PIAS1: variants seen among roughly 807,000 people sequenced by gnomAD.
PIAS1 encodes the protein E3 SUMO-protein ligase PIAS1.
Under a neutral mutation model 71.3 loss-of-function variants are expected in PIAS1, and 6 were observed. That is an observed-to-expected ratio of 0.08 (90% CI 0.05 to 0.17). The LOEUF is 0.17. PIAS1 is among the 10% of genes least tolerant of loss of function. PIAS1 has a pLI of 1.00. For synonymous variants in PIAS1, 303 were observed against 292.9 expected, an observed-to-expected ratio of 1.03 and a Z score of -0.35; for missense variants, 555 against 793.6, an observed-to-expected ratio of 0.70 and a Z score of 3.61.
intron 4 of PIAS1, among the ~76,000 whole-genome samples, chr15:68,144,399 CCT>C (rs1243732036): frequency 3.3e-5 from 5 of 152,126 alleles, no homozygotes; most frequent in African/African-American, 9.7e-5. Flanking sequence ...TCCACTCCCT[CCT>C]CTCTGCCCCA....
Position 68,054,409 on chromosome 15 carries a change from C to G in PIAS1, c.24+59C>G. 1 of 1,533,326 alleles carries G rather than the reference C, an allele frequency of 6.5e-7. No individual in the cohort carries two copies. Among genetic ancestry groups the G allele is most frequent in the Non-Finnish European group, 8.8e-7 (1 of 1,131,906 alleles). The allele number at this position is 1,533,326 out of a possible 1,614,324, so 95.0% of individuals were successfully genotyped here. A position where few individuals can be genotyped will look rare whatever the true frequency, so the allele number is the denominator to read the frequency against. Reference sequence around the variant, plus strand: ...GGCCGCGGAGACGGCGCCGCTGCTGCCAGGGGGGATGGGTCCGACCCTGGG... The same window carrying G: ...GGCCGCGGAGACGGCGCCGCTGCTGGCAGGGGGGATGGGTCCGACCCTGGG... On this transcript the variant is annotated intron_variant, in intron 1 of 13. Transcript: ENST00000249636. The surrounding 1 kb of genome is among the most constrained non-coding windows in gnomAD (Gnocchi z 4.6).
At position 68,094,031 on chromosome 15, in the gene PIAS1, A is replaced by AT. The variant is rs1453070946; in HGVS notation, c.469+7288dup. ...TTTGTGATTAAACAAACTGTGTTTTATTTTTTTCATTTTTAAGCCTGGGAA... is the reference window on the plus strand; with the variant it reads ...TTTGTGATTAAACAAACTGTGTTTTATTTTTTTTCATTTTTAAGCCTGGGAA... On this transcript the variant is annotated intron_variant, in intron 2 of 13. Coordinates refer to ENST00000249636, the MANE Select transcript of PIAS1 (RefSeq NM_016166.3). 2.6e-5 allele frequency among the ~76,000 whole-genome samples: 4 copies of AT among 152,110 alleles called. No individual in the cohort carries two copies. In the South Asian group the frequency reaches 8.3e-4, roughly 32 times the overall value.
chr15:68,109,322 C>T (rs1169101072), intron 2 of PIAS1, among the ~76,000 whole-genome samples: 1 of 152,204 alleles, frequency 6.6e-6, no homozygotes, highest in Non-Finnish European at 1.5e-5. Context: ...ATAACATTGT[C>T]AGCATCTGAC....
Position 68,146,438 on chromosome 15 carries a change from T to G in PIAS1, c.694-128T>G, listed in dbSNP as rs565823385. On this transcript the variant is annotated intron_variant, in intron 5 of 13. Coordinates refer to ENST00000249636, the MANE Select transcript of PIAS1 (RefSeq NM_016166.3). ...ACACAAGAAACTTGTAAATGTTTGC[T>G]TCTCTACTTTTTAATGAAAACATTC... The G allele has an allele frequency of 9.0e-6, 6 of 665,160 alleles. No individual in the cohort carries two copies. In the East Asian group the frequency reaches 1.6e-4, roughly 18 times the overall value. The allele number at this position is 665,160 out of a possible 1,614,324, so 41.2% of individuals were successfully genotyped here.
At chr15:68,182,883 GTGT>G (rs1229636958) in intron 12 of PIAS1, among the ~76,000 whole-genome samples, 1 of 152,196 alleles carries the variant, frequency 6.6e-6, no homozygotes, top group African/African-American at 2.4e-5. Context: ...AGTATCTGTG[GTGT>G]TGTAATATAT....
intron 8 of PIAS1, among the ~76,000 whole-genome samples, chr15:68,166,281 A>G (rs1489345873): frequency 6.6e-6 from 1 of 151,870 alleles, no homozygotes; most frequent in Non-Finnish European, 1.5e-5. Context: ...AACCAGGTAA[A>G]TGTTATAACA....
intron 1 of PIAS1, among the ~76,000 whole-genome samples, chr15:68,059,132 G>T (rs1271368896): frequency 6.6e-6 from 1 of 150,392 alleles, no homozygotes; most frequent in Non-Finnish European, 1.5e-5. Context: ...AGCCTTCGGT[G>T]TAGCTGGGAC....
chr15:68,145,121 A>C (rs1567062401), intron 4 of PIAS1, among the ~76,000 whole-genome samples: 1 of 152,176 alleles, frequency 6.6e-6, no homozygotes, highest in Non-Finnish European at 1.5e-5. Flanking sequence ...AGAATTTATG[A>C]ATTATGTATC....
Position 68,187,927 on chromosome 15 carries a change from T to G in PIAS1, c.*92T>G. On this transcript the variant is annotated 3_prime_UTR_variant, in exon 14 of 14. Coordinates refer to ENST00000249636, the MANE Select transcript of PIAS1 (RefSeq NM_016166.3). This position sits in a 1 kb window ranked among gnomAD's most constrained non-coding sequence, Gnocchi z 5.3. The stretch of plus-strand genomic sequence containing the variant: ...TGTGCTCTGTTTTACCTTACTCTGT[T>G]TAGAAAAGTATACAAGCGTGTTTTT... 1 of 1,197,452 alleles carries G rather than the reference T, an allele frequency of 8.4e-7. No homozygotes were observed. The highest frequency in any genetic ancestry group is 1.2e-6 in the Non-Finnish European group (1 of 856,054). The allele number at this position is 1,197,452 out of a possible 1,614,324, so 74.2% of individuals were successfully genotyped here. A position where few individuals can be genotyped will look rare whatever the true frequency, so the allele number is the denominator to read the frequency against.
At chr15:68,081,376 A>G (rs1384338449) in intron 1 of PIAS1, among the ~76,000 whole-genome samples, 1 of 152,118 alleles carries the variant, frequency 6.6e-6, no homozygotes, top group African/African-American at 2.4e-5. Context: ...CAGTCATTCT[A>G]GATGAAGTAC....
chr15:68,127,749 A>T (rs943548565), intron 2 of PIAS1, among the ~76,000 whole-genome samples: 1 of 151,920 alleles, frequency 6.6e-6, no homozygotes, highest in East Asian at 1.9e-4. Flanking sequence ...TTTTGTTTTC[A>T]TTTTATTTTA....
rs909335970 is a variant in PIAS1, at chr15:68,054,495, C to G, written c.24+145C>G. ...TTGTAGGGAGAGAGGCGCGCCCGGT[C>G]TCAGCAGAGGGGGCCCGCCTGCGGC... is the stretch of plus-strand genomic sequence containing the variant. On this transcript the variant is annotated intron_variant, in intron 1 of 13. Transcript: ENST00000249636. The surrounding 1 kb of genome is among the most constrained non-coding windows in gnomAD (Gnocchi z 4.6). 4 of 817,434 alleles carry G rather than the reference C, an allele frequency of 4.9e-6. No homozygotes were observed. Among genetic ancestry groups the G allele is most frequent in the African/African-American group, 3.6e-5 (2 of 55,008 alleles). The allele number at this position is 817,434 out of a possible 1,614,324, so 50.6% of individuals were successfully genotyped here.
chr15:68,180,918 T>C (rs1030922734), intron 11 of PIAS1, among the ~76,000 whole-genome samples: 1 of 152,214 alleles, frequency 6.6e-6, no homozygotes, highest in Non-Finnish European at 1.5e-5. Flanking sequence ...ACTGTACCTT[T>C]CTCTTGCATT....
intron 1 of PIAS1, among the ~76,000 whole-genome samples, chr15:68,075,277 A>C (rs7178313): frequency 0.99 from 150,241 of 151,386 alleles, 74,561 homozygotes; most frequent in Middle Eastern, 1. Context: ...GTAGAGATGG[A>C]GTTTCACCAT....
chr15:68,114,605 A>G (rs2092550180), intron 2 of PIAS1, among the ~76,000 whole-genome samples: 1 of 152,128 alleles, frequency 6.6e-6, no homozygotes, highest in South Asian at 2.1e-4. Context: ...AAAGATGACT[A>G]TTTTTAGCTT....
At chr15:68,137,093 C>T (rs2092739170) in intron 2 of PIAS1, among the ~76,000 whole-genome samples, 1 of 152,098 alleles carries the variant, frequency 6.6e-6, no homozygotes, top group Non-Finnish European at 1.5e-5. Context: ...GTAAAACAAC[C>T]ATTTGAAAAG....
chr15:68,105,427 T>C (rs1880740826), intron 2 of PIAS1, among the ~76,000 whole-genome samples: 1 of 152,114 alleles, frequency 6.6e-6, no homozygotes, highest in South Asian at 2.1e-4. Context: ...ATGTACATGA[T>C]TTTTTTCTCA....
chr15:68,126,084 A>G (rs1001677091), intron 2 of PIAS1, among the ~76,000 whole-genome samples: 4 of 152,160 alleles, frequency 2.6e-5, no homozygotes, highest in African/African-American at 9.7e-5. Flanking sequence ...GTGTTCTGAA[A>G]TTTTATTGCC....
At chr15:68,120,953 T>C (rs1014986151) in intron 2 of PIAS1, among the ~76,000 whole-genome samples, 2 of 152,226 alleles carry the variant, frequency 1.3e-5, no homozygotes, top group African/African-American at 4.8e-5. Flanking sequence ...ATAAAAGTTT[T>C]AAACTGCAGT....
Sources: allele counts gnomAD v4.1 joint callset (sites outside exome capture counted in the v4.1 genomes callset), GRCh38; gene constraint gnomAD v4.1.1; non-coding constraint Gnocchi (gnomAD v3.1); transcripts MANE v1.5; gene names NCBI Gene and HGNC (gene_info 2026-07-23, HGNC 2026-07-21).